MACROD2: variants seen among roughly 807,000 people sequenced by gnomAD.
The protein encoded by MACROD2 is ADP-ribose glycohydrolase MACROD2.
In MACROD2, 36 loss-of-function variants were observed where a neutral mutation model predicts 70.4. The ratio of observed to expected loss-of-function variants is 0.51; its 90% CI spans 0.39 to 0.68. MACROD2 has a LOEUF of 0.68. Among genes scored for constraint, MACROD2 ranks in the 30% least tolerant of loss-of-function variants. The pLI, the probability that MACROD2 is intolerant of heterozygous loss-of-function variation, is 0.00. For missense variants in MACROD2, 496 were observed against 538.4 expected (o/e 0.92, Z 0.78); for synonymous variants, 172 against 178.8 (o/e 0.96, Z 0.30).
intron 8 of MACROD2, among the ~76,000 whole-genome samples, chr20:15,861,868 A>G (rs766887892): frequency 1.3e-5 from 2 of 152,110 alleles, no homozygotes; most frequent in Non-Finnish European, 2.9e-5. Flanking sequence ...GAAACACCTC[A>G]TTTGATGTTC....
intron 5 of MACROD2, among the ~76,000 whole-genome samples, chr20:15,221,846 A>C (rs576236657): frequency 2.0e-5 from 3 of 152,334 alleles, no homozygotes; most frequent in African/African-American, 7.2e-5. Context: ...CTCATGTAAA[A>C]ATGGAACCAA....
chr20:15,499,238 A>T (rs900308494), intron 7 of MACROD2, among the ~76,000 whole-genome samples: 3 of 152,206 alleles, frequency 2.0e-5, no homozygotes, highest in Admixed American at 6.5e-5. Flanking sequence ...ATGCTGTCTC[A>T]ATTCCAAGCA....
intron 8 of MACROD2, among the ~76,000 whole-genome samples, chr20:15,509,488 A>T (rs1290667318): frequency 6.6e-6 from 1 of 152,254 alleles, no homozygotes; most frequent in East Asian, 1.9e-4. Flanking sequence ...TAGGGTTGGG[A>T]TTGGTATATC....
intron 5 of MACROD2, among the ~76,000 whole-genome samples, chr20:15,219,093 A>G (rs1198840877): frequency 6.6e-6 from 1 of 152,238 alleles, no homozygotes; most frequent in African/African-American, 2.4e-5. Flanking sequence ...TTGGTGACAT[A>G]CCAGTTCAAA....
chr20:14,000,213 G>A (rs2052714811), intron 1 of MACROD2, among the ~76,000 whole-genome samples: 1 of 152,102 alleles, frequency 6.6e-6, no homozygotes, highest in Non-Finnish European at 1.5e-5. Context: ...AAAGTCTCTA[G>A]GCTAGACCAC....
chr20:15,663,603 A>G (rs1300466498), intron 8 of MACROD2, among the ~76,000 whole-genome samples: 2 of 150,884 alleles, frequency 1.3e-5, no homozygotes, highest in Admixed American at 6.6e-5. Flanking sequence ...AAAAACTTGG[A>G]AAAAAACCAC....
intron 3 of MACROD2, among the ~76,000 whole-genome samples, chr20:14,183,645 A>G (rs533337028): frequency 1.3e-5 from 2 of 152,176 alleles, no homozygotes; most frequent in African/African-American, 4.8e-5. Flanking sequence ...TCCTGGACGT[A>G]TAAATTATAC....
intron 15 of MACROD2, among the ~76,000 whole-genome samples, chr20:16,009,259 A>G (rs2066829779): frequency 6.6e-6 from 1 of 152,226 alleles, no homozygotes. Context: ...AGCATGTACC[A>G]TAGGACAGTG....
chr20:15,701,997 A>G (rs2146898442), intron 8 of MACROD2, among the ~76,000 whole-genome samples: 1 of 152,258 alleles, frequency 6.6e-6, no homozygotes, highest in South Asian at 2.1e-4. Context: ...ACATGGTTTT[A>G]TTCTTTTTTA....
At chr20:15,425,229 G>T (rs1252343138) in intron 6 of MACROD2, among the ~76,000 whole-genome samples, 9 of 152,190 alleles carry the variant, frequency 5.9e-5, no homozygotes, top group Admixed American at 5.2e-4. Flanking sequence ...ATGTGAGGAA[G>T]TTTTAGGAAA....
intron 5 of MACROD2, among the ~76,000 whole-genome samples, chr20:14,825,432 A>G (rs2072890664): frequency 6.6e-6 from 1 of 152,106 alleles, no homozygotes; most frequent in South Asian, 2.1e-4. Context: ...AGGGCTTATA[A>G]CAAGGGCATT....
chr20:15,618,745 T>G (rs1198602379), intron 8 of MACROD2, among the ~76,000 whole-genome samples: 1 of 152,148 alleles, frequency 6.6e-6, no homozygotes, highest in African/African-American at 2.4e-5. Flanking sequence ...ATCACAGGAC[T>G]TGTAACTGCC....
intron 5 of MACROD2, among the ~76,000 whole-genome samples, chr20:15,005,714 T>C (rs986639922): frequency 1.1e-4 from 16 of 152,124 alleles, no homozygotes; most frequent in African/African-American, 3.9e-4. Flanking sequence ...ATTCTGAGAT[T>C]CACTGAGAGT....
chr20:15,747,434 G>C (rs60774277), intron 8 of MACROD2, among the ~76,000 whole-genome samples: 20,300 of 152,166 alleles, frequency 0.13, 1,544 homozygotes, highest in Non-Finnish European at 0.16. Context: ...AGGTTTTCAG[G>C]CAGTATCGAG....
chr20:15,732,088 A>G (rs1274444978), intron 8 of MACROD2, among the ~76,000 whole-genome samples: 3 of 150,006 alleles, frequency 2.0e-5, no homozygotes, highest in African/African-American at 7.4e-5. Context: ...CCCTTGCACC[A>G]CTTGTGGAAC....
chr20:14,822,037 C>T (rs966634377), intron 5 of MACROD2, among the ~76,000 whole-genome samples: 3 of 151,968 alleles, frequency 2.0e-5, no homozygotes, highest in Non-Finnish European at 4.4e-5. Context: ...TATTTGACAT[C>T]TCATAGTTTT....
intron 2 of MACROD2, chr20:14,053,275 A>G (rs768488315): frequency 5.9e-5 from 9 of 152,246 alleles, no homozygotes; most frequent in Middle Eastern, 3.4e-3. Flanking sequence ...TTTTTGTTGT[A>G]TATGTAACTC....
chr20:15,255,974 C>T (rs1340901564), intron 6 of MACROD2, among the ~76,000 whole-genome samples: 1 of 152,074 alleles, frequency 6.6e-6, no homozygotes, highest in East Asian at 1.9e-4. Context: ...GGGCTTGTGA[C>T]ATCCATTTTT....
chr20:14,728,094 T>C (rs1427614956), intron 5 of MACROD2, among the ~76,000 whole-genome samples: 2 of 152,176 alleles, frequency 1.3e-5, no homozygotes, highest in African/African-American at 4.8e-5. Context: ...CAAGCTCCTA[T>C]GTCCTGAAAG....
Sources: allele counts gnomAD v4.1 joint callset (sites outside exome capture counted in the v4.1 genomes callset), GRCh38; gene constraint gnomAD v4.1.1; transcripts MANE v1.5; gene names NCBI Gene and HGNC (gene_info 2026-07-23, HGNC 2026-07-21).